CCDC91: variants seen among roughly 807,000 people sequenced by gnomAD.
CCDC91 encodes coiled-coil domain-containing protein 91.
A neutral mutation model predicts 63.2 loss-of-function variants in CCDC91; 48 were observed. The observed-to-expected ratio is 0.76, with a 90% CI of 0.60 to 0.97. The LOEUF (loss-of-function observed/expected upper bound fraction) is 0.97, where lower values mean the gene tolerates loss of function less well. CCDC91 is among the 50% of genes least tolerant of loss of function. CCDC91 has a pLI of 0.00. For missense variants in CCDC91, 500 were observed against 494.6 expected, an observed-to-expected ratio of 1.01 and a Z score of -0.10; for synonymous variants, 167 against 165.8, an observed-to-expected ratio of 1.01 and a Z score of -0.06.
chr12:28,267,906 AT>A (rs1947428058), intron 3 of CCDC91, among the ~76,000 whole-genome samples: 2 of 51,808 alleles, frequency 3.9e-5, no homozygotes, highest in South Asian at 4.5e-4. Context: ...ATATAATTAT[AT>A]TATATATAAT....
chr12:28,430,482 T>C (rs1948570060), intron 8 of CCDC91, among the ~76,000 whole-genome samples: 4 of 152,062 alleles, frequency 2.6e-5, no homozygotes, highest in Admixed American at 6.6e-5. Flanking sequence ...TTGGAAAAAG[T>C]AGACATTACA....
At chr12:28,365,200 G>A (rs1027250) in intron 7 of CCDC91, among the ~76,000 whole-genome samples, 134,963 of 152,168 alleles carry the variant, frequency 0.89, 61,554 homozygotes, top group East Asian at 1. Flanking sequence ...CTAAGTAATG[G>A]CGCTGGACAA....
chr12:28,355,223 G>A (rs768430722), intron 6 of CCDC91, among the ~76,000 whole-genome samples: 2 of 152,092 alleles, frequency 1.3e-5, no homozygotes, highest in Non-Finnish European at 2.9e-5. Flanking sequence ...TGAATCTGAT[G>A]CTAATAAACT....
At chr12:28,461,550 A>G (rs1555219154) in intron 11 of CCDC91, among the ~76,000 whole-genome samples, 1 of 152,072 alleles carries the variant, frequency 6.6e-6, no homozygotes, top group Non-Finnish European at 1.5e-5. Flanking sequence ...TTATAAGCTT[A>G]TAACTTTGGT....
At chr12:28,435,645 G>T (rs1012954088) in intron 8 of CCDC91, among the ~76,000 whole-genome samples, 1 of 151,792 alleles carries the variant, frequency 6.6e-6, no homozygotes, top group Non-Finnish European at 1.5e-5. Flanking sequence ...GTTTTGTTCA[G>T]TTCAGCTGAG....
chr12:28,495,572 G>A (rs1417615378), intron 12 of CCDC91, among the ~76,000 whole-genome samples: 2 of 151,590 alleles, frequency 1.3e-5, no homozygotes, highest in Non-Finnish European at 2.9e-5. Context: ...ACCAGCATTC[G>A]TAGCCTACAG....
chr12:28,209,179 A>AT (rs1408229514), intron 1 of CCDC91, among the ~76,000 whole-genome samples: 1 of 152,204 alleles, frequency 6.6e-6, no homozygotes. Flanking sequence ...TTAGTCTACT[A>AT]TTAATGTCAA....
intron 1 of CCDC91, among the ~76,000 whole-genome samples, chr12:28,216,808 C>G (rs1186469877): frequency 2.6e-5 from 4 of 151,956 alleles, no homozygotes; most frequent in Non-Finnish European, 5.9e-5. Context: ...ATGTTACTTT[C>G]ATGTTAAGGG....
chr12:28,197,170 T>C (rs1419614546), intron 1 of CCDC91, among the ~76,000 whole-genome samples: 3 of 152,136 alleles, frequency 2.0e-5, no homozygotes, highest in Non-Finnish European at 4.4e-5. Context: ...ATTTGTTCTT[T>C]AGGCTATTTA....
chr12:28,519,892 C>T (rs1257544206), intron 12 of CCDC91, among the ~76,000 whole-genome samples: 1 of 152,018 alleles, frequency 6.6e-6, no homozygotes, highest in East Asian at 1.9e-4. Flanking sequence ...CAACAAAGGA[C>T]ATGAACTCTT....
At chr12:28,426,684 A>G (rs1436697852) in intron 8 of CCDC91, among the ~76,000 whole-genome samples, 1 of 152,108 alleles carries the variant, frequency 6.6e-6, no homozygotes, top group African/African-American at 2.4e-5. Context: ...GCTTCTGCCT[A>G]TATATTATCC....
At chr12:28,376,260 G>T (rs1944938490) in intron 7 of CCDC91, among the ~76,000 whole-genome samples, 1 of 151,500 alleles carries the variant, frequency 6.6e-6, no homozygotes, top group Middle Eastern at 3.4e-3. Flanking sequence ...TTAATATTGA[G>T]TCTCTTAAGG....
intron 7 of CCDC91, among the ~76,000 whole-genome samples, chr12:28,387,711 C>A (rs1304699520): frequency 6.6e-6 from 1 of 152,186 alleles, no homozygotes; most frequent in African/African-American, 2.4e-5. Flanking sequence ...TCTGTGAATG[C>A]CATTAATTCA....
At chr12:28,210,265 T>A (rs186803128) in intron 1 of CCDC91, among the ~76,000 whole-genome samples, 11 of 152,336 alleles carry the variant, frequency 7.2e-5, no homozygotes, top group African/African-American at 2.4e-4. Flanking sequence ...TATATCTTTA[T>A]TTTTGCCAAA....
At chr12:28,245,255 T>A (rs1945651698) in intron 1 of CCDC91, among the ~76,000 whole-genome samples, 1 of 152,108 alleles carries the variant, frequency 6.6e-6, no homozygotes, top group Non-Finnish European at 1.5e-5. Flanking sequence ...TAAAGATGGC[T>A]TATCAGATTA....
At chr12:28,322,369 T>C (rs1401293798) in intron 6 of CCDC91, among the ~76,000 whole-genome samples, 1 of 151,864 alleles carries the variant, frequency 6.6e-6, no homozygotes, top group Non-Finnish European at 1.5e-5. Context: ...CCAGTCCTTC[T>C]TCTGCTTTGA....
At position 28,199,337 on chromosome 12, in the gene CCDC91, G is replaced by T. The variant is rs181143146; in HGVS notation, c.-15+8696G>T. The stretch of plus-strand genomic sequence containing the variant: ...AACTAAGTTTAAGTTTACAAATTTT[G>T]TTCCTATATATTCCCTCCCCTTCCT... On this transcript the variant is annotated intron_variant, in intron 1 of 12. Coordinates refer to ENST00000536442, the MANE Select transcript of CCDC91 (RefSeq NM_018318.5). Among the ~76,000 whole-genome samples the T allele has an allele frequency of 6.6e-4, 100 of 152,004 alleles. No individual in the cohort carries two copies. In the South Asian group the frequency reaches 7.3e-3, roughly 11 times the overall value.
intron 11 of CCDC91, among the ~76,000 whole-genome samples, chr12:28,474,131 TAC>T (rs1950962261): frequency 6.6e-6 from 1 of 152,164 alleles, no homozygotes; most frequent in Non-Finnish European, 1.5e-5. Context: ...TTAGCACAGT[TAC>T]AGTCTCATTG....
intron 6 of CCDC91, among the ~76,000 whole-genome samples, chr12:28,344,620 A>G (rs1015546732): frequency 6.6e-6 from 1 of 152,190 alleles, no homozygotes; most frequent in African/African-American, 2.4e-5. Context: ...CTCTGAGGAA[A>G]ACTAATGTTT....
Sources: gnomAD v4.1 joint callset for allele counts (sites outside exome capture counted in the v4.1 genomes callset) on GRCh38, gnomAD v4.1.1 for gene constraint, MANE v1.5 for transcripts, NCBI Gene and HGNC (gene_info 2026-07-23, HGNC 2026-07-21) for gene names.